The following THSD7A variants were observed in gnomAD, a reference collection of about 807,000 sequenced individuals.
THSD7A encodes the protein thrombospondin type 1 domain containing 7A.
In THSD7A, 96 loss-of-function variants were observed where a neutral mutation model predicts 231.3. The ratio of observed to expected loss-of-function variants is 0.41; its 90% CI spans 0.35 to 0.49. The LOEUF (loss-of-function observed/expected upper bound fraction) is 0.49, where lower values mean the gene tolerates loss of function less well. Ranked by LOEUF, THSD7A falls within the 20% of genes least tolerant of loss-of-function variation. The pLI, the probability that THSD7A is intolerant of heterozygous loss-of-function variation, is 0.05. For missense variants in THSD7A, 2,290 were observed against 2,070.2 expected (o/e 1.11, Z -2.06); for synonymous variants, 940 against 743.3 (o/e 1.26, Z -4.30).
At chr7:11,560,540 A>G (rs1790033582) in intron 4 of THSD7A, among the ~76,000 whole-genome samples, 1 of 152,154 alleles carries the variant, frequency 6.6e-6, no homozygotes, top group African/African-American at 2.4e-5. Flanking sequence ...TTCTTTACCA[A>G]TTATAGCTTT....
intron 1 of THSD7A, among the ~76,000 whole-genome samples, chr7:11,702,243 G>T (rs890878196): frequency 6.6e-5 from 10 of 151,166 alleles, no homozygotes; most frequent in African/African-American, 2.4e-4. Context: ...TCTGCTCAGG[G>T]TGTCACAGGG....
At chr7:11,769,436 G>A (rs756792170) in intron 1 of THSD7A, among the ~76,000 whole-genome samples, 2 of 151,816 alleles carry the variant, frequency 1.3e-5, no homozygotes, top group Non-Finnish European at 2.9e-5. Flanking sequence ...AAGGCAGTGA[G>A]TCTGTAAGGT....
At chr7:11,430,537 T>G (rs1246723585) in intron 13 of THSD7A, among the ~76,000 whole-genome samples, 1 of 152,176 alleles carries the variant, frequency 6.6e-6, no homozygotes, top group Non-Finnish European at 1.5e-5. Flanking sequence ...CATAGCTCAC[T>G]GCAGCCTTGA....
At chr7:11,675,837 G>A (rs191424322) in intron 1 of THSD7A, among the ~76,000 whole-genome samples, 28 of 152,286 alleles carry the variant, frequency 1.8e-4, no homozygotes, top group Admixed American at 5.2e-4. Context: ...TGTGGGTGCA[G>A]CTTCAGCTGA....
intron 2 of THSD7A, among the ~76,000 whole-genome samples, chr7:11,595,860 T>C (rs1406234566): frequency 6.6e-6 from 1 of 152,218 alleles, no homozygotes; most frequent in East Asian, 1.9e-4. Flanking sequence ...AAGGCGGGCA[T>C]AGCTATCGTA....
At chr7:11,742,110 G>A (rs1711107998) in intron 1 of THSD7A, among the ~76,000 whole-genome samples, 1 of 151,904 alleles carries the variant, frequency 6.6e-6, no homozygotes, top group Non-Finnish European at 1.5e-5. Context: ...TTCTAAAGAA[G>A]TGTTGTAAAA....
chr7:11,688,910 A>G (rs1852350), intron 1 of THSD7A, among the ~76,000 whole-genome samples: 15,727 of 151,904 alleles, frequency 0.1, 1,026 homozygotes, highest in Non-Finnish European at 0.15. Flanking sequence ...GCTATAAAGA[A>G]GTATATAATA....
chr7:11,577,930 A>G (rs1299307221), intron 4 of THSD7A, among the ~76,000 whole-genome samples: 3 of 152,182 alleles, frequency 2.0e-5, no homozygotes, highest in African/African-American at 4.8e-5. Context: ...TCTGACTACC[A>G]TAACTATAGA....
chr7:11,720,727 T>C (rs558909425), intron 1 of THSD7A, among the ~76,000 whole-genome samples: 1 of 151,894 alleles, frequency 6.6e-6, no homozygotes, highest in African/African-American at 2.4e-5. Flanking sequence ...TCTACATTAA[T>C]AAGCAAAGTG....
At chr7:11,705,502 G>T (rs1054805591) in intron 1 of THSD7A, among the ~76,000 whole-genome samples, 70 of 150,926 alleles carry the variant, frequency 4.6e-4, no homozygotes, top group African/African-American at 1.6e-3. Flanking sequence ...TCTTCTATTT[G>T]CTCTTCACTC....
chr7:11,740,529 C>T (rs1190497361), intron 1 of THSD7A, among the ~76,000 whole-genome samples: 1 of 151,956 alleles, frequency 6.6e-6, no homozygotes, highest in Non-Finnish European at 1.5e-5. Flanking sequence ...GTTTCCCAAA[C>T]ATGCTGAGCT....
At chr7:11,733,779 T>A (rs1781815483) in intron 1 of THSD7A, among the ~76,000 whole-genome samples, 1 of 151,908 alleles carries the variant, frequency 6.6e-6, no homozygotes, top group Non-Finnish European at 1.5e-5. Context: ...TCAAGCAGTG[T>A]GGTTTCTTCT....
chr7:11,454,425 T>C (rs1785238913), intron 11 of THSD7A, among the ~76,000 whole-genome samples: 1 of 151,942 alleles, frequency 6.6e-6, no homozygotes, highest in Non-Finnish European at 1.5e-5. Flanking sequence ...CCCTTGCCTC[T>C]AACTCACTCA....
chr7:11,825,565 T>C (rs1418458365), intron 1 of THSD7A, among the ~76,000 whole-genome samples: 1 of 152,172 alleles, frequency 6.6e-6, no homozygotes, highest in Non-Finnish European at 1.5e-5. Flanking sequence ...TTTTGTACCA[T>C]CTGACAGAAC....
chr7:11,815,312 A>T (rs184344025), intron 1 of THSD7A, among the ~76,000 whole-genome samples: 105 of 151,878 alleles, frequency 6.9e-4, no homozygotes, highest in African/African-American at 2.5e-3. Context: ...GCAGCAGGGT[A>T]AGGGAGTGGT....
chr7:11,783,005 G>A (rs905590767), intron 1 of THSD7A, among the ~76,000 whole-genome samples: 6 of 152,190 alleles, frequency 3.9e-5, no homozygotes, highest in Middle Eastern at 3.4e-3. Flanking sequence ...TTGAGTGTGC[G>A]AACCATATTT....
At chr7:11,807,746 T>G (rs1784434449) in intron 1 of THSD7A, among the ~76,000 whole-genome samples, 1 of 152,148 alleles carries the variant, frequency 6.6e-6, no homozygotes, top group Admixed American at 6.5e-5. Context: ...CCTCATATAC[T>G]CTGTAAAAGA....
intron 1 of THSD7A, among the ~76,000 whole-genome samples, chr7:11,721,120 T>C (rs993201851): frequency 2.8e-4 from 43 of 151,998 alleles, no homozygotes; most frequent in African/African-American, 1.0e-3. Context: ...ACTTTCTACT[T>C]GTAATTGACA....
chr7:11,470,007 A>T lies in THSD7A; in HGVS notation c.2253-13T>A. On this transcript the variant is annotated splice_polypyrimidine_tract_variant and intron_variant, in intron 8 of 27. Transcript: ENST00000423059. ...GCTTTCAGGACATCTAGAAAGGCAAAGGGGAATTATTAGGCTTCAATAGTA... is the reference window on the plus strand; with the variant it reads ...GCTTTCAGGACATCTAGAAAGGCAATGGGGAATTATTAGGCTTCAATAGTA... 1.3e-6 allele frequency: 2 copies of T among 1,522,962 alleles called. No homozygotes were observed. Among genetic ancestry groups the T allele is most frequent in the South Asian group, 2.4e-5 (2 of 84,364 alleles). The allele number at this position is 1,522,962 out of a possible 1,614,324, so 94.3% of individuals were successfully genotyped here. A position where few individuals can be genotyped will look rare whatever the true frequency, so the allele number is the denominator to read the frequency against.
Sources: allele counts gnomAD v4.1 joint callset (sites outside exome capture counted in the v4.1 genomes callset), GRCh38; gene constraint gnomAD v4.1.1; transcripts MANE v1.5; gene names NCBI Gene and HGNC (gene_info 2026-07-23, HGNC 2026-07-21).